The following KDM5A variants were observed in gnomAD, a reference collection of about 807,000 sequenced individuals.
KDM5A encodes the protein lysine demethylase 5A.
KDM5A carries 42 observed loss-of-function variants against 193.5 expected under a neutral mutation model. That is an observed-to-expected ratio of 0.22 (90% CI 0.17 to 0.28). KDM5A has a LOEUF of 0.28. Among genes scored for constraint, KDM5A ranks in the 10% least tolerant of loss-of-function variants. KDM5A has a pLI of 1.00. For missense variants in KDM5A, 1,692 were observed against 2,055.1 expected, an observed-to-expected ratio of 0.82 and a Z score of 3.42; for synonymous variants, 796 against 718.1, an observed-to-expected ratio of 1.11 and a Z score of -1.73.
chr12:302,585 C>A (rs1454858183), intron 24 of KDM5A, among the ~76,000 whole-genome samples: 1 of 152,140 alleles, frequency 6.6e-6, no homozygotes, highest in African/African-American at 2.4e-5. Context: ...AAAACCTAGG[C>A]AACACCATTC....
chr12:366,229 T>C (rs1944355532), intron 3 of KDM5A, 125 bp from the exon 4 acceptor site: 6 of 778,480 alleles, frequency 7.7e-6, no homozygotes, highest in African/African-American at 1.7e-5. Flanking sequence ...TCAATGAGTA[T>C]CTAACCAAAC....
At chr12:326,028 G>A (rs920113325) in intron 14 of KDM5A, among the ~76,000 whole-genome samples, 1 of 152,086 alleles carries the variant, frequency 6.6e-6, no homozygotes. Flanking sequence ...AAATAAAAAG[G>A]AAACGTATGA....
At chr12:388,138 A>T in intron 1 of KDM5A, 1 of 358,660 alleles carries the variant, frequency 2.8e-6, no homozygotes. Context: ...CACTGGTCTA[A>T]TGAGTAAAGA....
intron 14 of KDM5A, among the ~76,000 whole-genome samples, chr12:325,706 G>C (rs370435697): frequency 6.6e-6 from 1 of 151,018 alleles, no homozygotes; most frequent in African/African-American, 2.4e-5. Flanking sequence ...AAAAAACTAG[G>C]TAACATATAA....
chr12:344,014 T>G (rs1431637284), intron 10 of KDM5A, among the ~76,000 whole-genome samples: 1 of 152,132 alleles, frequency 6.6e-6, no homozygotes, highest in Non-Finnish European at 1.5e-5. Context: ...GCTAAAAACC[T>G]TGAAAAAAGA....
chr12:376,484 T>C (rs1944505916), intron 3 of KDM5A, among the ~76,000 whole-genome samples: 1 of 152,236 alleles, frequency 6.6e-6, no homozygotes, highest in Admixed American at 6.5e-5. Context: ...CTGTCACAGC[T>C]TCCCTTGGCT....
intron 10 of KDM5A, among the ~76,000 whole-genome samples, chr12:346,736 C>A (rs1422459814): frequency 1.3e-5 from 2 of 152,168 alleles, no homozygotes; most frequent in Non-Finnish European, 2.9e-5. Context: ...TAAAAACTCT[C>A]AATAAACGAG....
intron 5 of KDM5A, among the ~76,000 whole-genome samples, chr12:356,916 C>G (rs1235924878): frequency 6.6e-6 from 1 of 152,194 alleles, no homozygotes; most frequent in Non-Finnish European, 1.5e-5. Context: ...ACACTAACCT[C>G]ATTTTTCTTT....
intron 2 of KDM5A, among the ~76,000 whole-genome samples, chr12:385,108 G>A (rs2015554): frequency 0.63 from 95,153 of 150,696 alleles, 31,036 homozygotes; most frequent in Middle Eastern, 0.74. Flanking sequence ...GCTTGAACCC[G>A]GGAGGTAGAG....
At chr12:356,269 T>G (rs1944228273) in intron 6 of KDM5A, among the ~76,000 whole-genome samples, 163 bp downstream of exon 6, 2 of 152,218 alleles carry the variant, frequency 1.3e-5, no homozygotes, top group Middle Eastern at 3.2e-3. Context: ...CACCTGAAAT[T>G]TAAGAGATCT....
intron 14 of KDM5A, among the ~76,000 whole-genome samples, chr12:325,589 C>G (rs78998485): frequency 0.21 from 32,653 of 152,056 alleles, 3,762 homozygotes; most frequent in South Asian, 0.3. Context: ...CGCAGAATTG[C>G]TTGAACCTGA....
At position 283,770 on chromosome 12, in the gene KDM5A, A is replaced by T. The variant is rs1311468954; in HGVS notation, c.*1686T>A. ...ACCACAGATTTTTTTAAACCAAAAT[A>T]AAGACACCAGACAGTGATGACAAAA... On this transcript the variant is annotated 3_prime_UTR_variant, in exon 28 of 28. Transcript: ENST00000399788. 4.3e-6 allele frequency: 1 copy of T among 233,022 alleles called. No individual in the cohort carries two copies. Among genetic ancestry groups the T allele is most frequent in the Non-Finnish European group, 8.5e-6 (1 of 117,904 alleles). The allele number at this position is 233,022 out of a possible 1,614,324, so 14.4% of individuals were successfully genotyped here. A position where few individuals can be genotyped will look rare whatever the true frequency, so the allele number is the denominator to read the frequency against.
chr12:293,788 A>AAGGG (rs1555126245), intron 26 of KDM5A, among the ~76,000 whole-genome samples: 2 of 82,884 alleles, frequency 2.4e-5, no homozygotes, highest in African/African-American at 4.4e-5. Flanking sequence ...CAAAAAAAAA[A>AAGGG]GGGGGGGGGG....
At chr12:381,213 C>T (rs907777005) in intron 3 of KDM5A, among the ~76,000 whole-genome samples, 1 of 152,078 alleles carries the variant, frequency 6.6e-6, no homozygotes, top group Non-Finnish European at 1.5e-5. Context: ...GGGTTGGTCT[C>T]GAACTCCCGA....
At chr12:337,687 G>A (rs997418174) in intron 10 of KDM5A, among the ~76,000 whole-genome samples, 8 of 147,452 alleles carry the variant, frequency 5.4e-5, no homozygotes, top group African/African-American at 2.0e-4. Flanking sequence ...CTGTTGCCAA[G>A]GCTGGAATGT....
At position 307,578 on chromosome 12, in the gene KDM5A, A is replaced by G. The variant is rs2137387953; in HGVS notation, c.3806T>C (p.Leu1269Pro). 1 of 1,614,106 alleles carries G rather than the reference A, an allele frequency of 6.2e-7. No individual in the cohort carries two copies. The highest frequency in any genetic ancestry group is 1.1e-5 in the South Asian group (1 of 91,080). Residue 1269 changes from leucine to proline, a missense_variant, in exon 23 of 28, where the codon CTA becomes CCA. Around this residue, in one of 11 missense-constraint regions of KDM5A, gnomAD observed 965 missense variants for 1,061.0 expected, o/e 0.91. Transcript: ENST00000399788. This position sits in a 1 kb window ranked among gnomAD's most constrained non-coding sequence, Gnocchi z 4.3. ...RARQALATDE[L>P]SSALAKLSVL... Reference sequence around the variant, plus strand: ...AGATAGTTTGGCCAGGGCAGAGGATAGTTCATCTGTGGCTAGAGCCTGCCG... The same window carrying G: ...AGATAGTTTGGCCAGGGCAGAGGATGGTTCATCTGTGGCTAGAGCCTGCCG...
chr12:364,717 G>T (rs1287097975), intron 4 of KDM5A, among the ~76,000 whole-genome samples: 1 of 149,902 alleles, frequency 6.7e-6, no homozygotes, highest in Non-Finnish European at 1.5e-5. Context: ...CCCAGGAGGC[G>T]GAGCTTGCAG....
chr12:369,492 GATAA>G (rs1252371434), intron 3 of KDM5A, among the ~76,000 whole-genome samples: 2 of 152,058 alleles, frequency 1.3e-5, no homozygotes, highest in African/African-American at 4.8e-5. Context: ...ATTTTGAAGG[GATAA>G]ATATTGTAGA....
intron 10 of KDM5A, among the ~76,000 whole-genome samples, chr12:344,070 A>C (rs1220614456): frequency 6.6e-6 from 1 of 152,250 alleles, no homozygotes; most frequent in Non-Finnish European, 1.5e-5. Context: ...GAAGACCTTA[A>C]ATGACCTGAT....
Sources: allele counts gnomAD v4.1 joint callset (sites outside exome capture counted in the v4.1 genomes callset), GRCh38; gene constraint gnomAD v4.1.1; regional missense constraint gnomAD v4.1.1; non-coding constraint Gnocchi (gnomAD v3.1); transcripts MANE v1.5; gene names NCBI Gene and HGNC (gene_info 2026-07-23, HGNC 2026-07-21).